The following MPPED2 variants were observed in gnomAD, a reference collection of about 807,000 sequenced individuals.
The protein encoded by MPPED2 is metallophosphoesterase domain containing 2.
Under a neutral mutation model 33.0 loss-of-function variants are expected in MPPED2, and 5 were observed. That is an observed-to-expected ratio of 0.15 (90% CI 0.08 to 0.32). The LOEUF is 0.32. Ranked by LOEUF, MPPED2 falls within the 10% of genes least tolerant of loss-of-function variation. The pLI, the probability that MPPED2 is intolerant of heterozygous loss-of-function variation, is 1.00. For missense variants in MPPED2, 275 were observed against 372.1 expected (o/e 0.74, Z 2.15); for synonymous variants, 136 against 141.9 (o/e 0.96, Z 0.29).
chr11:30,580,542 G>C (rs929724716), intron 1 of MPPED2, 48 bp from the exon 2 acceptor site: 2 of 1,405,348 alleles, frequency 1.4e-6, no homozygotes, highest in African/African-American at 1.4e-5. Context: ...AGAGAAAAAG[G>C]GTGTTCTAAG....
intron 4 of MPPED2, among the ~76,000 whole-genome samples, chr11:30,457,077 C>T (rs771642973): frequency 1.5e-4 from 23 of 152,238 alleles, no homozygotes; most frequent in Non-Finnish European, 2.9e-4. Flanking sequence ...GATAAATTTT[C>T]TTCTCTGTCC....
intron 4 of MPPED2, among the ~76,000 whole-genome samples, chr11:30,463,602 ACAGCAT>A (rs1440142731): frequency 6.6e-6 from 1 of 152,210 alleles, no homozygotes; most frequent in Non-Finnish European, 1.5e-5. Flanking sequence ...GCCTAAGGAG[ACAGCAT>A]GCCTGAGGAT....
intron 4 of MPPED2, among the ~76,000 whole-genome samples, chr11:30,488,669 C>T (rs1030751928): frequency 2.0e-5 from 3 of 152,156 alleles, no homozygotes; most frequent in East Asian, 1.9e-4. Flanking sequence ...GAATCTGATC[C>T]GGGCTTTAAG....
chr11:30,394,519 G>A (rs571761803), intron 6 of MPPED2, among the ~76,000 whole-genome samples: 1 of 152,126 alleles, frequency 6.6e-6, no homozygotes, highest in Non-Finnish European at 1.5e-5. Flanking sequence ...TTTCTTAGTA[G>A]CTAATAAGGT....
At chr11:30,511,832 C>T (rs1953211728) in intron 3 of MPPED2, among the ~76,000 whole-genome samples, 1 of 152,142 alleles carries the variant, frequency 6.6e-6, no homozygotes, top group African/African-American at 2.4e-5. Context: ...AGAAGGCAAG[C>T]TACTAATGGT....
chr11:30,530,825 T>C (rs1954479977), intron 3 of MPPED2, among the ~76,000 whole-genome samples: 1 of 152,144 alleles, frequency 6.6e-6, no homozygotes, highest in Non-Finnish European at 1.5e-5. Flanking sequence ...GAACAGTAAG[T>C]AATCTCAAAG....
intron 5 of MPPED2, among the ~76,000 whole-genome samples, chr11:30,417,297 C>T (rs750329245): frequency 8.5e-5 from 13 of 152,076 alleles, no homozygotes; most frequent in Non-Finnish European, 1.6e-4. Context: ...TTTTCCCTGA[C>T]TTGACTAAAT....
intron 6 of MPPED2, among the ~76,000 whole-genome samples, chr11:30,412,213 C>T (rs1347255254): frequency 6.7e-6 from 1 of 149,414 alleles, no homozygotes; most frequent in African/African-American, 2.5e-5. Flanking sequence ...AAACATCACC[C>T]TAGGTCACTG....
intron 4 of MPPED2, among the ~76,000 whole-genome samples, chr11:30,428,247 A>C (rs181006482): frequency 1.4e-3 from 215 of 152,346 alleles, no homozygotes; most frequent in Admixed American, 2.9e-3. Flanking sequence ...CATCTGACTG[A>C]GAAATTTCAG....
intron 2 of MPPED2, among the ~76,000 whole-genome samples, chr11:30,552,764 G>A (rs1382730369): frequency 6.6e-6 from 1 of 152,048 alleles, no homozygotes; most frequent in African/African-American, 2.4e-5. Context: ...ACCCCCCAAA[G>A]GCTTTTAAGC....
chr11:30,454,051 T>C (rs1950176044), intron 4 of MPPED2, among the ~76,000 whole-genome samples: 1 of 152,216 alleles, frequency 6.6e-6, no homozygotes, highest in South Asian at 2.1e-4. Context: ...CATGCATTCC[T>C]CTGAGCAAAC....
At chr11:30,403,171 C>A (rs529829261) in intron 6 of MPPED2, among the ~76,000 whole-genome samples, 1 of 149,728 alleles carries the variant, frequency 6.7e-6, no homozygotes, top group Non-Finnish European at 1.5e-5. Flanking sequence ...GGCGTGAACC[C>A]GGGAGGCGGA....
At chr11:30,433,417 C>G (rs1028918748) in intron 4 of MPPED2, among the ~76,000 whole-genome samples, 4 of 152,148 alleles carry the variant, frequency 2.6e-5, no homozygotes, top group Non-Finnish European at 5.9e-5. Flanking sequence ...GTAGCATGTA[C>G]TATATGAAAC....
At chr11:30,426,665 A>G (rs1040431514) in intron 4 of MPPED2, among the ~76,000 whole-genome samples, 17 of 152,376 alleles carry the variant, frequency 1.1e-4, no homozygotes, top group African/African-American at 2.9e-4. Flanking sequence ...ATCCATAGCC[A>G]GCCAGTTCAT....
chr11:30,384,616 C>T (rs1157362235), exon 7 of MPPED2: 1 of 151,560 alleles, frequency 6.6e-6, no homozygotes, highest in African/African-American at 2.4e-5. Context: ...CTGGGACTAC[C>T]ACGCCCAACT....
chr11:30,512,385 A>G (rs1407703874), intron 3 of MPPED2, among the ~76,000 whole-genome samples: 1 of 152,190 alleles, frequency 6.6e-6, no homozygotes, highest in Admixed American at 6.5e-5. Context: ...TGGCCCAGAA[A>G]CAGATCATTT....
In MPPED2 at chr11:30,567,610, A is replaced by G. The variant is rs183621680; in HGVS notation, c.128+12636T>C. Among the ~76,000 whole-genome samples, 11 of 152,358 alleles carry G rather than the reference A, an allele frequency of 7.2e-5. No individual in the cohort carries two copies. In the East Asian group the frequency reaches 2.1e-3, roughly 29 times the overall value. On this transcript the variant is annotated intron_variant, in intron 2 of 6. Coordinates refer to ENST00000358117, the MANE Select transcript of MPPED2 (RefSeq NM_001584.3). ...GTCTTAATCCCAAAGTCTGATTATA[A>G]TCTGTGTTCTAAAGTAGTGCCCAAG... is the stretch of plus-strand genomic sequence containing the variant.
chr11:30,574,440 G>A (rs1368068508), intron 2 of MPPED2, among the ~76,000 whole-genome samples: 3 of 152,164 alleles, frequency 2.0e-5, no homozygotes, highest in Non-Finnish European at 4.4e-5. Flanking sequence ...ACTCTATGAT[G>A]TTTGCACAAA....
chr11:30,513,544 C>G (rs780976700), intron 3 of MPPED2, among the ~76,000 whole-genome samples: 4 of 152,192 alleles, frequency 2.6e-5, no homozygotes, highest in Non-Finnish European at 4.4e-5. Flanking sequence ...AGGAAGTAAA[C>G]TATTCAACTG....
Sources: gnomAD v4.1 joint callset for allele counts (sites outside exome capture counted in the v4.1 genomes callset) on GRCh38, gnomAD v4.1.1 for gene constraint, MANE v1.5 for transcripts, NCBI Gene and HGNC (gene_info 2026-07-23, HGNC 2026-07-21) for gene names.